The following COL2A1 variants were observed in gnomAD, a reference collection of about 807,000 sequenced individuals.
The protein encoded by COL2A1 is collagen type II alpha 1 chain.
A neutral mutation model predicts 204.5 loss-of-function variants in COL2A1; 28 were observed. The ratio of observed to expected loss-of-function variants is 0.14; its 90% CI spans 0.10 to 0.19. The LOEUF (loss-of-function observed/expected upper bound fraction) is 0.19, where lower values mean the gene tolerates loss of function less well. Among genes scored for constraint, COL2A1 ranks in the 10% least tolerant of loss-of-function variants. The pLI is 1.00. For synonymous variants in COL2A1, 708 were observed against 718.7 expected, an observed-to-expected ratio of 0.99 and a Z score of 0.24; for missense variants, 1,388 against 2,027.5, an observed-to-expected ratio of 0.68 and a Z score of 6.06.
intron 11 of COL2A1, 91 bp downstream of exon 11, chr12:47,995,164 T>G (rs1939893424): frequency 9.1e-7 from 1 of 1,103,686 alleles, no homozygotes; most frequent in African/African-American, 1.5e-5. Flanking sequence ...ACCTCCACCC[T>G]GGGTGCCTCC....
chr12:47,984,878 G>T lies in COL2A1; in HGVS notation c.1833+117C>A. 4 of 897,580 alleles carry T rather than the reference G, an allele frequency of 4.5e-6. 1 individual carries two copies. Among genetic ancestry groups the T allele is most frequent in the Admixed American group, 4.0e-5 (2 of 50,204 alleles). The allele number at this position is 897,580 out of a possible 1,614,324, so 55.6% of individuals were successfully genotyped here. A position where few individuals can be genotyped will look rare whatever the true frequency, so the allele number is the denominator to read the frequency against. ...CCCCACTGCCACCCATGGCACAGGA[G>T]CCCCACTCATCACTGTCCCTGGTTA... On this transcript the variant is annotated intron_variant, in intron 27 of 53. Coordinates refer to ENST00000380518, the MANE Select transcript of COL2A1 (RefSeq NM_001844.5).
At position 47,973,493 on chromosome 12, in the gene COL2A1, G is replaced by A; in HGVS notation, c.4378C>T (p.Leu1460Phe). 7 of 1,614,146 alleles carry A rather than the reference G, an allele frequency of 4.3e-6. No individual in the cohort carries two copies. The highest frequency in any genetic ancestry group is 5.9e-6 in the Non-Finnish European group (7 of 1,180,008). Residue 1460 changes from leucine to phenylalanine, a missense_variant, in exon 54 of 54, where the codon CTC becomes TTC. Physicochemically the swap from Leu to Phe is conservative, Grantham distance 22 (BLOSUM62 0). Transcript: ENST00000380518. ...IEYRSQKTSR[L>F]PIIDIAPMDI... The stretch of plus-strand genomic sequence containing the variant: ...ATGGGTGCAATGTCAATGATGGGGA[G>A]GCGTGAGGTCTTCTGTGACCGGTAC...
rs777030211 is a variant in COL2A1, at chr12:47,974,297, G to A, written c.4109C>T (p.Thr1370Ile). The A allele has an allele frequency of 1.2e-6, 2 of 1,614,196 alleles. No homozygotes were observed. Among genetic ancestry groups the A allele is most frequent in the South Asian group, 1.1e-5 (1 of 91,086 alleles). ...TAGGAAGGTCATCTGGACGTTGGCA[G>A]TGTTGGGAGCCAGATTGTCATCTCC... ...SYGDDNLAPN[T>I]ANVQMTFLRL... Residue 1370 changes from threonine (T) to isoleucine (I), a missense_variant, in exon 53 of 54, where the codon ACT becomes ATT. Thr to Ile is a moderately conservative substitution (Grantham distance 89). Coordinates refer to ENST00000380518, the MANE Select transcript of COL2A1 (RefSeq NM_001844.5).
At chr12:47,995,823 C>T (rs1939933368) in intron 9 of COL2A1, 52 bp downstream of exon 9, 2 of 1,609,478 alleles carry the variant, frequency 1.2e-6, no homozygotes, top group Middle Eastern at 1.7e-4. Context: ...CATCATAGTG[C>T]TTGGGAATCA....
chr12:47,996,692 G>A (rs758536211), intron 7 of COL2A1, 67 bp from the exon 8 acceptor site: 225 of 1,225,812 alleles, frequency 1.8e-4, no homozygotes, highest in South Asian at 7.2e-5. Flanking sequence ...GGCTAGGTAA[G>A]CTCTATATGG....
chr12:47,984,418 C>T, intron 28 of COL2A1, 128 bp downstream of exon 28: 1 of 1,003,674 alleles, frequency 1.0e-6, no homozygotes, highest in South Asian at 1.4e-5. Context: ...CAGCATGGGG[C>T]TCAGCCACAG....
At chr12:47,999,799 C>A in intron 2 of COL2A1, 120 bp downstream of exon 2, 1 of 846,344 alleles carries the variant, frequency 1.2e-6, no homozygotes, top group Non-Finnish European at 1.9e-6. Flanking sequence ...ACCCCAGCTA[C>A]CAGGTCCCAT....
chr12:47,990,246 G>A (rs1030040223), intron 16 of COL2A1, among the ~76,000 whole-genome samples: 5 of 152,162 alleles, frequency 3.3e-5, no homozygotes, highest in African/African-American at 9.7e-5. Context: ...CTGACCTCAG[G>A]TGATCCACCC....
chr12:47,984,522 T>C, intron 28 of COL2A1, 24 bp downstream of exon 28: 2 of 1,613,774 alleles, frequency 1.2e-6, no homozygotes, highest in South Asian at 1.1e-5. Context: ...CACCAAGTCA[T>C]GGGCAGCGGG....
intron 11 of COL2A1, among the ~76,000 whole-genome samples, chr12:47,994,770 T>C (rs1211359066): frequency 6.6e-6 from 1 of 152,240 alleles, no homozygotes; most frequent in Non-Finnish European, 1.5e-5. Flanking sequence ...GTGCTCTCTC[T>C]AACCTCAAGA....
chr12:47,981,875 C>T (rs751778771), intron 35 of COL2A1, 46 bp from the exon 36 acceptor site: 8 of 1,545,094 alleles, frequency 5.2e-6, no homozygotes, highest in East Asian at 4.9e-5. Flanking sequence ...CTGAGCCAGC[C>T]GAGCACGTGC....
intron 53 of COL2A1, 104 bp from the exon 54 acceptor site, chr12:47,973,657 C>T (rs1938547229): frequency 6.4e-6 from 9 of 1,414,234 alleles, no homozygotes. Context: ...CATCAGAGCC[C>T]ACAAGGTTGA....
Position 47,996,633 on chromosome 12 carries a change from G to GA in COL2A1, c.532-9dup. On this transcript the variant is annotated splice_polypyrimidine_tract_variant and intron_variant, in intron 7 of 53. Transcript: ENST00000380518. ...CATCTGGGCAGCAAAGTTCTGCAAA[G>GA]AAACCCAACAACGTTAGGAGGTTGA... 1.2e-6 allele frequency: 2 copies of GA among 1,614,058 alleles called. No individual in the cohort carries two copies. Among genetic ancestry groups the GA allele is most frequent in the Non-Finnish European group, 1.7e-6 (2 of 1,179,914 alleles).
At chr12:48,003,080 G>C (rs1261534407) in intron 1 of COL2A1, 1 of 152,178 alleles carries the variant, frequency 6.6e-6, no homozygotes, top group Admixed American at 6.5e-5. Flanking sequence ...CCCAGCCGTC[G>C]GAAACGTGCC....
In COL2A1 at chr12:47,987,293, T is replaced by G; in HGVS notation, c.1242A>C (p.Gly414=). 1 of 1,614,014 alleles carries G rather than the reference T, an allele frequency of 6.2e-7. No homozygotes were observed. The highest frequency in any genetic ancestry group is 8.5e-7 in the Non-Finnish European group (1 of 1,179,992). Residue 414 remains glycine (G), a synonymous_variant, in exon 20 of 54, where the codon GGA becomes GGC. Coordinates refer to ENST00000380518, the MANE Select transcript of COL2A1 (RefSeq NM_001844.5). This position sits in a 1 kb window ranked among gnomAD's most constrained non-coding sequence, Gnocchi z 4.1. The stretch of plus-strand genomic sequence containing the variant: ...CAGCAGATCCTTTGGCTCCAGGAAT[T>G]CCATCTGTTCCAGGGTTACCCTGAA... ...AGASGNPGTD[G]IPGAKGSAGA... is the part of the protein sequence containing the mutation.
Position 47,976,388 on chromosome 12 carries a change from C to G in COL2A1, c.3489+126G>C, listed in dbSNP as rs1938708223. The stretch of plus-strand genomic sequence containing the variant: ...ATAGGCACATGAGCCAGTCCTGCCC[C>G]CATTACTGAGTGAGGACCCCTGAGC... On this transcript the variant is annotated intron_variant, in intron 49 of 53. Transcript: ENST00000380518. The surrounding 1 kb of genome is among the most constrained non-coding windows in gnomAD (Gnocchi z 4.3). 1.9e-6 allele frequency: 2 copies of G among 1,074,910 alleles called. No homozygotes were observed. The highest frequency in any genetic ancestry group is 1.6e-5 in the African/African-American group (1 of 64,238). 66.6% of individuals were successfully genotyped at this position (1,074,910 alleles called of 1,614,324 possible).
At chr12:47,991,556 G>C (rs1939708838) in intron 16 of COL2A1, among the ~76,000 whole-genome samples, 1 of 152,214 alleles carries the variant, frequency 6.6e-6, no homozygotes, top group South Asian at 2.1e-4. Context: ...TGATGGGAGG[G>C]GAGAGGGAGG....
At position 47,980,836 on chromosome 12, in the gene COL2A1, C is replaced by G; in HGVS notation, c.2517+79G>C. The G allele has an allele frequency of 6.6e-7, 1 of 1,511,810 alleles. No homozygotes were observed. Among genetic ancestry groups the G allele is most frequent in the Non-Finnish European group, 9.0e-7 (1 of 1,110,802 alleles). The allele number at this position is 1,511,810 out of a possible 1,614,324, so 93.6% of individuals were successfully genotyped here. On this transcript the variant is annotated intron_variant, in intron 38 of 53. Coordinates refer to ENST00000380518, the MANE Select transcript of COL2A1 (RefSeq NM_001844.5). This position sits in a 1 kb window ranked among gnomAD's most constrained non-coding sequence, Gnocchi z 4.5. ...GAGGAGCATCCATTTCCCTCCCTGA[C>G]AAGCTCCGATGCCCGAGGGTGCTGG...
Position 47,983,395 on chromosome 12 carries a change from G to T in COL2A1, c.2039C>A (p.Pro680Gln). ...PPGPPGEGGK[P>Q]GDQGVPGEAG... ...GAGCCCCATACTCACCTGGTCACCT[G>T]GTTTTCCACCTTCACCTGGGGGACC... is the stretch of plus-strand genomic sequence containing the variant. Residue 680 changes from proline (P) to glutamine (Q), a missense_variant, in exon 31 of 54, where the codon CCA (proline) becomes CAA (glutamine). By Grantham distance (76) the Pro-to-Gln change is moderately conservative (BLOSUM62 -1). Transcript: ENST00000380518. 1 of 1,614,122 alleles carries T rather than the reference G, an allele frequency of 6.2e-7. No individual in the cohort carries two copies. Among genetic ancestry groups the T allele is most frequent in the Non-Finnish European group, 8.5e-7 (1 of 1,179,980 alleles).
Sources: gnomAD v4.1 joint callset for allele counts (sites outside exome capture counted in the v4.1 genomes callset) on GRCh38, gnomAD v4.1.1 for gene constraint, Gnocchi (gnomAD v3.1) non-coding constraint, MANE v1.5 for transcripts, NCBI Gene and HGNC (gene_info 2026-07-23, HGNC 2026-07-21) for gene names.